Variants in ABCG1 observed in about 807,000 individuals in gnomAD.
The protein encoded by ABCG1 is ATP-binding cassette sub-family G member 1.
ABCG1 carries 29 observed loss-of-function variants against 69.2 expected under a neutral mutation model. The ratio of observed to expected loss-of-function variants is 0.42; its 90% CI spans 0.31 to 0.57. The LOEUF (loss-of-function observed/expected upper bound fraction) is 0.57, where lower values mean the gene tolerates loss of function less well. Among genes scored for constraint, ABCG1 ranks in the 20% least tolerant of loss-of-function variants. The pLI is 0.15. For missense variants in ABCG1, 718 were observed against 898.1 expected, an observed-to-expected ratio of 0.80 and a Z score of 2.56; for synonymous variants, 370 against 374.8, an observed-to-expected ratio of 0.99 and a Z score of 0.15.
At position 42,276,660 on chromosome 21, in the gene ABCG1, C is replaced by T; in HGVS notation, c.538-235C>T. On this transcript the variant is annotated intron_variant, in intron 4 of 14. Transcript: ENST00000398449. The surrounding 1 kb of genome is among the most constrained non-coding windows in gnomAD (Gnocchi z 5.3). ...GGCTAGTTGCACCGTGGCTAGTGGC[C>T]TTATGCCTAGCTGCACTGTGGATAG... 1 of 478,860 alleles carries T rather than the reference C, an allele frequency of 2.1e-6. No individual in the cohort carries two copies. Among genetic ancestry groups the T allele is most frequent in the Non-Finnish European group, 3.7e-6 (1 of 268,002 alleles). 29.7% of individuals were successfully genotyped at this position (478,860 alleles called of 1,614,324 possible). A position where few individuals can be genotyped will look rare whatever the true frequency, so the allele number is the denominator to read the frequency against.
intron 5 of ABCG1, among the ~76,000 whole-genome samples, chr21:42,278,628 G>A (rs542781233): frequency 7.9e-5 from 12 of 152,284 alleles, no homozygotes; most frequent in East Asian, 1.9e-4. Context: ...TGCTGCCCTC[G>A]ATCTCAGACT....
In ABCG1 at chr21:42,288,299, T is replaced by C; in HGVS notation, c.1211T>C (p.Ile404Thr). The C allele has an allele frequency of 6.2e-7, 1 of 1,607,828 alleles. No individual in the cohort carries two copies. Among genetic ancestry groups the C allele is most frequent in the Non-Finnish European group, 8.5e-7 (1 of 1,176,554 alleles). ...CTCTTCAAGAGGACCTTCCTCAGCA[T>C]CATGAGGGACTCGGTAAGGCTGCCC... ...CILFKRTFLS[I>T]MRDSVLTHLR... The change falls in exon 10 of 15, where the codon ATC becomes ACC. Residue 404 changes from isoleucine (I) to threonine (T), a missense_variant. This residue lies in a region of ABCG1 where 514 missense variants were observed against 574.3 expected (regional missense o/e 0.90). Coordinates refer to ENST00000398449, the MANE Select transcript of ABCG1 (RefSeq NM_016818.3). The surrounding 1 kb of genome is among the most constrained non-coding windows in gnomAD (Gnocchi z 4.8).
At chr21:42,283,369 G>A (rs548813895) in intron 6 of ABCG1, among the ~76,000 whole-genome samples, 77 of 152,318 alleles carry the variant, frequency 5.1e-4, no homozygotes, top group African/African-American at 1.7e-3. Context: ...CCGGGGGACT[G>A]CCCAACACAC....
chr21:42,241,194 TG>T (rs923352739), intron 2 of ABCG1, among the ~76,000 whole-genome samples: 11 of 152,266 alleles, frequency 7.2e-5, no homozygotes, highest in African/African-American at 2.7e-4. Flanking sequence ...TGACCCTGGC[TG>T]GGCCACCAGC....
chr21:42,296,051 A>T lies in ABCG1; in HGVS notation c.1773-113A>T, dbSNP rs1475862892. On this transcript the variant is annotated intron_variant, in intron 14 of 14. Transcript: ENST00000398449. The surrounding 1 kb of genome is among the most constrained non-coding windows in gnomAD (Gnocchi z 5.4). ...ATTCTGGGGAAGGCGGCCCTTTGGG[A>T]AGGGAGGATAGCCAAGCTGGGAATC... 1.7e-5 allele frequency: 15 copies of T among 858,184 alleles called. No individual in the cohort carries two copies. The highest frequency in any genetic ancestry group is 2.7e-5 in the Non-Finnish European group (14 of 523,148). 53.2% of individuals were successfully genotyped at this position (858,184 alleles called of 1,614,324 possible). A position where few individuals can be genotyped will look rare whatever the true frequency, so the allele number is the denominator to read the frequency against.
At chr21:42,217,679 C>CTTTTTTTTTT (rs71190409), upstream of ABCG1, among the ~76,000 whole-genome samples, 56 of 61,638 alleles carry the variant, frequency 9.1e-4, 7 homozygotes, top group African/African-American at 3.8e-3. Context: ...TGGATCTACT[C>CTTTTTTTTTT]TTTTTTTTTT....
intron 2 of ABCG1, among the ~76,000 whole-genome samples, chr21:42,233,977 G>A (rs2067938497): frequency 6.6e-6 from 1 of 152,182 alleles, no homozygotes; most frequent in African/African-American, 2.4e-5. Flanking sequence ...GTTTTTATGG[G>A]ATTTCTCAGT....
chr21:42,220,065 G>A, intron 1 of ABCG1: 1 of 1,546,324 alleles, frequency 6.5e-7, no homozygotes, highest in Non-Finnish European at 8.8e-7. Flanking sequence ...TGTTTCCAGG[G>A]GTGGTCAGGA....
chr21:42,228,642 G>A (rs1283161911), intron 2 of ABCG1, among the ~76,000 whole-genome samples: 1 of 152,246 alleles, frequency 6.6e-6, no homozygotes, highest in Admixed American at 6.5e-5. Flanking sequence ...CAGTGGCCAT[G>A]CCTTGTCTAG....
chr21:42,217,679 C>CTTTTTTTTTTTTTTTTTTT (rs71190409), upstream of ABCG1, among the ~76,000 whole-genome samples: 1 of 61,598 alleles, frequency 1.6e-5, no homozygotes, highest in African/African-American at 7.0e-5. Context: ...TGGATCTACT[C>CTTTTTTTTTTTTTTTTTTT]TTTTTTTTTT....
In ABCG1 at chr21:42,244,247, G is replaced by C. The variant is rs144605629; in HGVS notation, c.286+18333G>C. 1.2e-4 allele frequency among the ~76,000 whole-genome samples: 18 copies of C among 152,308 alleles called. 1 individual carries two copies. In the South Asian group the frequency reaches 1.2e-3, roughly 11 times the overall value. On this transcript the variant is annotated intron_variant, in intron 2 of 14. Coordinates refer to ENST00000398449, the MANE Select transcript of ABCG1 (RefSeq NM_016818.3). ...GGGTGGAGAGGGCATCCTAGGAGTG[G>C]ACATGGGAGCTCACAGGGATTCAGG...
chr21:42,277,133 G>A (rs2068725719), intron 5 of ABCG1, among the ~76,000 whole-genome samples, 188 bp downstream of exon 5: 1 of 152,226 alleles, frequency 6.6e-6, no homozygotes, highest in African/African-American at 2.4e-5. Context: ...GCCAAGAAAG[G>A]CAGATCTGGT....
chr21:42,204,527 A>G (rs768037675), intron 2 of ABCG1, among the ~76,000 whole-genome samples: 13 of 152,194 alleles, frequency 8.5e-5, no homozygotes, highest in Non-Finnish European at 1.6e-4. Flanking sequence ...ATCTATTAAT[A>G]TAGTATATTA....
rs1285969251 is a variant in ABCG1, at chr21:42,291,341, C to T, written c.1494+149C>T. The T allele has an allele frequency of 1.4e-5, 17 of 1,213,672 alleles. No individual in the cohort carries two copies. Among genetic ancestry groups the T allele is most frequent in the Middle Eastern group, 2.2e-4 (1 of 4,488 alleles). The allele number at this position is 1,213,672 out of a possible 1,614,324, so 75.2% of individuals were successfully genotyped here. A position where few individuals can be genotyped will look rare whatever the true frequency, so the allele number is the denominator to read the frequency against. On this transcript the variant is annotated intron_variant, in intron 12 of 14. Coordinates refer to ENST00000398449, the MANE Select transcript of ABCG1 (RefSeq NM_016818.3). The surrounding 1 kb of genome is among the most constrained non-coding windows in gnomAD (Gnocchi z 6.4). ...GGAGCTGCGGGGAAGGGCCTGACTT[C>T]GGGAGCTGTGGCGGGAGCTGTGGGG...
At chr21:42,282,530 G>C in intron 6 of ABCG1, 111 bp downstream of exon 6, 3 of 1,293,374 alleles carry the variant, frequency 2.3e-6, no homozygotes, top group East Asian at 2.6e-5. Flanking sequence ...GGGGTGAGTT[G>C]AGCTCACCCG....
At chr21:42,229,040 G>A (rs922871427) in intron 2 of ABCG1, among the ~76,000 whole-genome samples, 12 of 152,198 alleles carry the variant, frequency 7.9e-5, no homozygotes, top group African/African-American at 2.9e-4. Flanking sequence ...CACCAAGTCG[G>A]CCTCTTTTGC....
intron 1 of ABCG1, chr21:42,220,168 A>G: frequency 1.2e-6 from 1 of 822,470 alleles, no homozygotes; most frequent in Non-Finnish European, 1.9e-6. Context: ...AGCGCCCTTC[A>G]TGTCTACGCC....
intron 1 of ABCG1, among the ~76,000 whole-genome samples, chr21:42,221,739 C>T (rs2067730947): frequency 6.6e-6 from 1 of 152,216 alleles, no homozygotes; most frequent in Admixed American, 6.5e-5. Flanking sequence ...AGAAGACAGA[C>T]AGCTGCGTGC....
At chr21:42,262,124 G>A (rs146005023) in intron 2 of ABCG1, among the ~76,000 whole-genome samples, 1 of 152,132 alleles carries the variant, frequency 6.6e-6, no homozygotes, top group African/African-American at 2.4e-5. Context: ...CAGATCCCTT[G>A]GTTGCTGGGC....
Sources: gnomAD v4.1 joint callset for allele counts (sites outside exome capture counted in the v4.1 genomes callset) on GRCh38, gnomAD v4.1.1 for gene constraint, gnomAD v4.1.1 regional missense constraint, Gnocchi (gnomAD v3.1) non-coding constraint, MANE v1.5 for transcripts, NCBI Gene and HGNC (gene_info 2026-07-23, HGNC 2026-07-21) for gene names.